FMO3: variants seen among roughly 807,000 people sequenced by gnomAD.
FMO3 encodes the protein flavin containing dimethylaniline monoxygenase 3.
In FMO3, 40 loss-of-function variants were observed where a neutral mutation model predicts 39.4. The ratio of observed to expected loss-of-function variants is 1.02; its 90% confidence interval spans 0.79 to 1.32. The LOEUF is 1.32. FMO3 is among the 40% of genes most tolerant of loss of function. FMO3 has a pLI of 0.00. For missense variants in FMO3, 680 were observed against 651.8 expected, an observed-to-expected ratio of 1.04 and a Z score of -0.47; for synonymous variants, 219 against 228.8, an observed-to-expected ratio of 0.96 and a Z score of 0.39.
chr1:171,114,606 A>G (rs1167318215), intron 7 of FMO3, among the ~76,000 whole-genome samples: 1 of 152,228 alleles, frequency 6.6e-6, no homozygotes, highest in African/African-American at 2.4e-5. Context: ...ACAGCTGATA[A>G]TTACCCAAGA....
chr1:171,092,873 C>A (rs975333180), intron 2 of FMO3, 83 bp downstream of exon 2: 7 of 1,404,032 alleles, frequency 5.0e-6, no homozygotes, highest in South Asian at 1.2e-5. Context: ...GGTTTCCAAA[C>A]CTGCTACCAT....
intron 6 of FMO3, 55 bp downstream of exon 6, chr1:171,111,052 C>A: frequency 7.2e-7 from 1 of 1,383,040 alleles, no homozygotes; most frequent in South Asian, 1.2e-5. Flanking sequence ...GTGTCAACAA[C>A]CCTTAATGTC....
At chr1:171,113,220 G>T (rs1461111861) in intron 6 of FMO3, among the ~76,000 whole-genome samples, 1 of 152,142 alleles carries the variant, frequency 6.6e-6, no homozygotes, top group Non-Finnish European at 1.5e-5. Context: ...AGATTTCTCT[G>T]CTCCCACTAC....
chr1:171,110,774 A>G, intron 5 of FMO3, 24 bp from the exon 6 acceptor site: 1 of 1,610,226 alleles, frequency 6.2e-7, no homozygotes, highest in Non-Finnish European at 8.5e-7. Flanking sequence ...CACTAATTTC[A>G]TGGTTGAATT....
rs1557930130 is a variant in FMO3, at chr1:171,092,652, G to C, written c.-6-1G>C. On this transcript the variant is annotated splice_acceptor_variant, in intron 1 of 8. Transcript: ENST00000367755. LOFTEE classifies it low-confidence loss of function (5UTR_SPLICE). ...GAAATGTTCTCTGGGCCTTTGCACA[G>C]GTTACCATGGGGAAGAAAGTGGCCA... The C allele has an allele frequency of 8.7e-6, 14 of 1,614,178 alleles. No individual in the cohort carries two copies. The highest frequency in any genetic ancestry group is 1.1e-5 in the Non-Finnish European group (13 of 1,180,008).
chr1:171,096,064 T>TTTATATATAAATATATAA (rs1557933299), intron 2 of FMO3, among the ~76,000 whole-genome samples: 15 of 39,618 alleles, frequency 3.8e-4, no homozygotes, highest in East Asian at 2.2e-3. Flanking sequence ...ATAATATATA[T>TTTATATATAAATATATAA]TATATATTAA....
At chr1:171,101,659 T>C (rs909957186) in intron 2 of FMO3, 6 of 475,684 alleles carry the variant, frequency 1.3e-5, no homozygotes, top group African/African-American at 9.9e-5. Context: ...TATGCCCTTC[T>C]AGTTCTGACT....
At chr1:171,099,943 C>A (rs1183409485) in intron 2 of FMO3, 2 of 152,106 alleles carry the variant, frequency 1.3e-5, no homozygotes, top group African/African-American at 4.8e-5. Flanking sequence ...TGCCATCACG[C>A]CCCGCTAATT....
chr1:171,115,420 A>G (rs1343463768), intron 7 of FMO3, among the ~76,000 whole-genome samples: 1 of 152,202 alleles, frequency 6.6e-6, no homozygotes, highest in Non-Finnish European at 1.5e-5. Context: ...GAAAAGCATG[A>G]CAAGTTCCAA....
At position 171,104,798 on chromosome 1, in the gene FMO3, C is replaced by T. The variant is rs576949878; in HGVS notation, c.321+825C>T. ...TTGAGGTGGGAGGATTGCTTGAGCT[C>T]GGGAGGTAGAGGTTGCAGTGAGCTG... On this transcript the variant is annotated intron_variant, in intron 3 of 8. Transcript: ENST00000367755. Among the ~76,000 whole-genome samples, 96 of 152,104 alleles carry T rather than the reference C, an allele frequency of 6.3e-4. 1 individual carries two copies. Among genetic ancestry groups the T allele is most frequent in the South Asian group, 5.2e-3 (25 of 4,818 alleles).
intron 2 of FMO3, among the ~76,000 whole-genome samples, chr1:171,095,377 G>A (rs1654904390): frequency 6.6e-6 from 1 of 152,122 alleles, no homozygotes; most frequent in Non-Finnish European, 1.5e-5. Context: ...CACTTCATGT[G>A]TTGCCAAACA....
intron 8 of FMO3, among the ~76,000 whole-genome samples, chr1:171,116,770 A>G (rs576890643): frequency 6.6e-6 from 1 of 152,322 alleles, no homozygotes; most frequent in East Asian, 1.9e-4. Context: ...GCCATGAACT[A>G]TTATAGAAGG....
intron 3 of FMO3, 50 bp downstream of exon 3, chr1:171,104,023 A>G (rs563478936): frequency 1.3e-5 from 17 of 1,311,862 alleles, no homozygotes; most frequent in African/African-American, 8.7e-5. Flanking sequence ...GAAGAAGTCT[A>G]TGTCTACTAC....
At chr1:171,104,329 G>A (rs1655544286) in intron 3 of FMO3, among the ~76,000 whole-genome samples, 1 of 151,986 alleles carries the variant, frequency 6.6e-6, no homozygotes, top group Admixed American at 6.6e-5. Flanking sequence ...ATAACTGAAT[G>A]TTAATTTAGT....
chr1:171,103,807 C>A lies in FMO3; in HGVS notation c.155C>A (p.Ala52Asp). Residue 52 changes from alanine (A) to aspartate (D), a missense_variant, in exon 3 of 9, where the codon GCT becomes GAT. Coordinates refer to ENST00000367755, the MANE Select transcript of FMO3 (RefSeq NM_001002294.3). ...CAGGACCATGCAGAGGAGGGCAGGG[C>A]TAGCATTTACAAATCAGTCTTTTCC... ...KFSDHAEEGR[A>D]SIYKSVFSNS... The A allele has an allele frequency of 6.2e-7, 1 of 1,613,596 alleles. No individual in the cohort carries two copies. Among genetic ancestry groups the A allele is most frequent in the South Asian group, 1.1e-5 (1 of 91,068 alleles).
chr1:171,094,876 C>T (rs1182508808), intron 2 of FMO3, among the ~76,000 whole-genome samples: 1 of 151,948 alleles, frequency 6.6e-6, no homozygotes, highest in Non-Finnish European at 1.5e-5. Flanking sequence ...TAATATGATG[C>T]CTCCAGTTTT....
intron 2 of FMO3, among the ~76,000 whole-genome samples, chr1:171,094,771 T>A (rs937138727): frequency 6.6e-6 from 1 of 152,154 alleles, no homozygotes; most frequent in Non-Finnish European, 1.5e-5. Context: ...TATTTCTGAC[T>A]TCTCTATTCT....
intron 3 of FMO3, among the ~76,000 whole-genome samples, chr1:171,106,781 AT>A (rs1162392323): frequency 3.3e-5 from 5 of 152,168 alleles, no homozygotes; most frequent in Non-Finnish European, 5.9e-5. Flanking sequence ...GGTATATAAG[AT>A]CAATATATAA....
rs1050815673 is a variant in FMO3, at chr1:171,108,088, A to G, written c.494A>G (p.His165Arg). The G allele has an allele frequency of 1.9e-6, 3 of 1,613,736 alleles. No homozygotes were observed. The African/African-American group carries it at 4.0e-5, about 22-fold the overall frequency. The change falls in exon 5 of 9, where the codon CAC (histidine) becomes CGC (arginine). Residue 165 changes from histidine (H) to arginine (R), a missense_variant. Coordinates refer to ENST00000367755, the MANE Select transcript of FMO3 (RefSeq NM_001002294.3). ...LPKESFPGLNHFKGKCFHSRD... is the reference protein window; with the variant it reads ...LPKESFPGLNRFKGKCFHSRD... ...CTCACTTTTCACTCAGGACTAAACCACTTTAAAGGCAAATGCTTCCACAGC... is the reference window on the plus strand; with the variant it reads ...CTCACTTTTCACTCAGGACTAAACCGCTTTAAAGGCAAATGCTTCCACAGC...
Sources: gnomAD v4.1 joint callset for allele counts (sites outside exome capture counted in the v4.1 genomes callset) on GRCh38, gnomAD v4.1.1 for gene constraint, MANE v1.5 for transcripts, NCBI Gene and HGNC (gene_info 2026-07-23, HGNC 2026-07-21) for gene names.